Variants in TMTC4 observed in about 807,000 individuals in gnomAD.
TMTC4 encodes transmembrane O-mannosyltransferase targeting cadherins 4.
TMTC4 carries 65 observed loss-of-function variants against 86.0 expected under a neutral mutation model. That is an observed-to-expected ratio of 0.76 (90% confidence interval 0.62 to 0.93). The LOEUF is 0.93. Among genes scored for constraint, TMTC4 ranks in the 40% least tolerant of loss-of-function variants. The pLI is 0.00. For missense variants in TMTC4, 866 were observed against 948.1 expected, an observed-to-expected ratio of 0.91 and a Z score of 1.14; for synonymous variants, 379 against 382.5, an observed-to-expected ratio of 0.99 and a Z score of 0.11.
In TMTC4 at chr13:100,649,819, T is replaced by C. The variant is rs576327656; in HGVS notation, c.640+6562A>G. On this transcript the variant is annotated intron_variant, in intron 6 of 18. Transcript: ENST00000342624. ...TAAAAATTACTTAATATTTAAAAAC[T>C]ATGGAGAAGATCAATATTTTCATTT... Among the ~76,000 whole-genome samples the C allele has an allele frequency of 1.5e-3, 234 of 151,644 alleles. 1 individual carries two copies. The highest frequency in any genetic ancestry group is 5.2e-3 in the African/African-American group (216 of 41,478).
At chr13:100,646,582 C>T (rs1278491303) in intron 6 of TMTC4, among the ~76,000 whole-genome samples, 1 of 152,184 alleles carries the variant, frequency 6.6e-6, no homozygotes, top group Non-Finnish European at 1.5e-5. Context: ...ATTCTAAATG[C>T]TGAGCCCAAG....
In TMTC4 at chr13:100,674,772, C is replaced by T. The variant is rs938148831; in HGVS notation, c.-236G>A. 6.1e-6 allele frequency: 6 copies of T among 983,770 alleles called. No individual in the cohort carries two copies. The highest frequency in any genetic ancestry group is 3.5e-5 in the African/African-American group (2 of 57,080). 60.9% of individuals were successfully genotyped at this position (983,770 alleles called of 1,614,324 possible). On this transcript the variant is annotated 5_prime_UTR_variant, in exon 1 of 19. Transcript: ENST00000342624. The stretch of plus-strand genomic sequence containing the variant: ...CAAGGAGCCTGAGCCCCGGCCGCAT[C>T]TCCCTCCCGGGTGCGGAAACTCTGG...
At chr13:100,672,470 C>T (rs930554116) in intron 1 of TMTC4, among the ~76,000 whole-genome samples, 2 of 152,186 alleles carry the variant, frequency 1.3e-5, no homozygotes, top group African/African-American at 2.4e-5. Flanking sequence ...GTGGCAGAGA[C>T]GGGGGACCAC....
chr13:100,656,908 A>G (rs1228034335), intron 5 of TMTC4, among the ~76,000 whole-genome samples: 1 of 152,190 alleles, frequency 6.6e-6, no homozygotes, highest in African/African-American at 2.4e-5. Context: ...ATTAAAATAA[A>G]TACATGATGT....
intron 6 of TMTC4, among the ~76,000 whole-genome samples, chr13:100,655,292 G>C (rs1413433920): frequency 6.6e-6 from 1 of 152,014 alleles, no homozygotes; most frequent in Non-Finnish European, 1.5e-5. Context: ...CAAAGTGCTG[G>C]GATTACAGGC....
At chr13:100,631,894 A>G (rs1473846592) in intron 12 of TMTC4, among the ~76,000 whole-genome samples, 1 of 152,202 alleles carries the variant, frequency 6.6e-6, no homozygotes, top group Non-Finnish European at 1.5e-5. Context: ...GAAACTCCCA[A>G]AAATCTCAAT....
Position 100,662,988 on chromosome 13 carries a change from A to G in TMTC4, c.528T>C (p.Ala176=), listed in dbSNP as rs761957100. 8.1e-6 allele frequency: 13 copies of G among 1,614,074 alleles called. No homozygotes were observed. The South Asian group carries it at 1.4e-4, about 18-fold the overall frequency. Residue 176 remains alanine, a synonymous_variant, in exon 5 of 19, where the codon GCT becomes GCC. Coordinates refer to ENST00000342624, the MANE Select transcript of TMTC4 (RefSeq NM_032813.5). ...CACACTCGGTGTGCACAGGATGGAC[A>G]GCAAACAGCAGCGCGGCCAGCAGGG... ...RASLLAALLF[A]VHPVHTECVA...
chr13:100,614,599 A>C (rs1444026979), intron 15 of TMTC4, among the ~76,000 whole-genome samples, 169 bp from the exon 16 acceptor site: 4 of 152,110 alleles, frequency 2.6e-5, no homozygotes, highest in Admixed American at 2.0e-4. Context: ...AACTCATTTA[A>C]TCCTCAAAAC....
At chr13:100,673,506 T>C (rs1887399300) in intron 1 of TMTC4, among the ~76,000 whole-genome samples, 1 of 152,212 alleles carries the variant, frequency 6.6e-6, no homozygotes, top group African/African-American at 2.4e-5. Flanking sequence ...CACAATCGTT[T>C]GTGACCCTGC....
intron 3 of TMTC4, 95 bp downstream of exon 3, chr13:100,668,484 C>T: frequency 2.3e-6 from 3 of 1,318,086 alleles, no homozygotes; most frequent in Non-Finnish European, 3.2e-6. Context: ...AATGCTTAAC[C>T]TACATTCCAC....
intron 12 of TMTC4, among the ~76,000 whole-genome samples, chr13:100,627,748 A>G (rs1880767395): frequency 1.3e-5 from 2 of 152,176 alleles, no homozygotes; most frequent in South Asian, 4.1e-4. Flanking sequence ...AGCTTTTGGG[A>G]GGCACAATTA....
At chr13:100,619,240 C>T (rs1321082066) in intron 15 of TMTC4, among the ~76,000 whole-genome samples, 6 of 152,034 alleles carry the variant, frequency 3.9e-5, no homozygotes, top group Non-Finnish European at 7.4e-5. Flanking sequence ...CCAGTAGGGG[C>T]GGTTGTTGCT....
intron 10 of TMTC4, 37 bp downstream of exon 10, chr13:100,636,495 A>G (rs777743149): frequency 1.2e-6 from 2 of 1,611,332 alleles, no homozygotes; most frequent in East Asian, 2.2e-5. Flanking sequence ...TTCTGACTCA[A>G]CCAGCGTGGA....
intron 12 of TMTC4, among the ~76,000 whole-genome samples, chr13:100,634,469 G>A (rs1241209797): frequency 2.6e-5 from 4 of 151,950 alleles, no homozygotes; most frequent in Non-Finnish European, 4.4e-5. Flanking sequence ...AATCTGTGCC[G>A]TGCCCACCCT....
chr13:100,653,304 G>A (rs1020004907), intron 6 of TMTC4, among the ~76,000 whole-genome samples: 1 of 152,182 alleles, frequency 6.6e-6, no homozygotes, highest in Non-Finnish European at 1.5e-5. Flanking sequence ...ACTAGGAGAG[G>A]CTCCAGCAGA....
Position 100,614,669 on chromosome 13 carries a change from C to T in TMTC4, c.1837-239G>A, listed in dbSNP as rs562574890. Among the ~76,000 whole-genome samples, 9 of 151,958 alleles carry T rather than the reference C, an allele frequency of 5.9e-5. No homozygotes were observed. The South Asian group carries it at 1.5e-3, about 25-fold the overall frequency. The stretch of plus-strand genomic sequence containing the variant: ...TTTTACAGAGGAAGCAACTAAGGCA[C>T]GAGGAAATGAACTTGCCCAAAGTTA... On this transcript the variant is annotated intron_variant, in intron 15 of 18. Coordinates refer to ENST00000342624, the MANE Select transcript of TMTC4 (RefSeq NM_032813.5).
At chr13:100,607,597 T>C (rs1177451239) in intron 17 of TMTC4, among the ~76,000 whole-genome samples, 1 of 150,072 alleles carries the variant, frequency 6.7e-6, no homozygotes, top group Non-Finnish European at 1.5e-5. Context: ...TTGTGCCTTC[T>C]ACCTGGGTCA....
At chr13:100,673,413 C>T (rs573612434) in intron 1 of TMTC4, 1 of 951,986 alleles carries the variant, frequency 1.1e-6, no homozygotes, top group East Asian at 1.2e-4. Flanking sequence ...GCCTTTCTAC[C>T]TCATCTGTAA....
At chr13:100,631,776 C>A (rs1179203719) in intron 12 of TMTC4, among the ~76,000 whole-genome samples, 2 of 151,998 alleles carry the variant, frequency 1.3e-5, no homozygotes, top group Non-Finnish European at 2.9e-5. Flanking sequence ...AATAATGGGA[C>A]TGAAGGAAAC....
Sources: gnomAD v4.1 joint callset for allele counts (sites outside exome capture counted in the v4.1 genomes callset) on GRCh38, gnomAD v4.1.1 for gene constraint, MANE v1.5 for transcripts, NCBI Gene and HGNC (gene_info 2026-07-23, HGNC 2026-07-21) for gene names.